TMEM132E: variants seen among roughly 807,000 people sequenced by gnomAD.
TMEM132E encodes the protein transmembrane protein 132E.
A neutral mutation model predicts 78.5 loss-of-function variants in TMEM132E; 49 were observed. The observed-to-expected ratio is 0.62, with a 90% CI of 0.50 to 0.79. The LOEUF (loss-of-function observed/expected upper bound fraction) is 0.79. Ranked by LOEUF, TMEM132E falls within the 30% of genes least tolerant of loss-of-function variation. The probability of loss-of-function intolerance (pLI) is 0.00; values close to 1 mark genes in which losing one functional copy is unlikely to be tolerated. For missense variants in TMEM132E, 1,403 were observed against 1,470.9 expected, an observed-to-expected ratio of 0.95 and a Z score of 0.75; for synonymous variants, 715 against 670.6, an observed-to-expected ratio of 1.07 and a Z score of -1.02.
At chr17:34,610,288 T>C (rs1270958701) in intron 1 of TMEM132E, among the ~76,000 whole-genome samples, 1 of 152,240 alleles carries the variant, frequency 6.6e-6, no homozygotes, top group Non-Finnish European at 1.5e-5. Flanking sequence ...CAGCAGGGTC[T>C]GGTGCAGAGA....
intron 1 of TMEM132E, among the ~76,000 whole-genome samples, chr17:34,624,405 G>T (rs1336602719): frequency 6.6e-6 from 1 of 152,162 alleles, no homozygotes. Flanking sequence ...AGGCCAGGTA[G>T]GTAACTAACT....
intron 1 of TMEM132E, among the ~76,000 whole-genome samples, chr17:34,586,362 A>G (rs2142048818): frequency 6.6e-6 from 1 of 152,162 alleles, no homozygotes; most frequent in South Asian, 2.1e-4. Context: ...ATGAAAAGAA[A>G]AGTAGGCCTT....
rs748304527 is a variant in TMEM132E, at chr17:34,637,512, C to T, written c.2505C>T (p.Gly835=). Residue 835 remains glycine (G), a synonymous_variant, in exon 9 of 9, where the codon GGC becomes GGT. Transcript: ENST00000631683. ...CCAGCCAACCAGGGCCCGGCGGGGGCGAGGACGAGGCCCGGGGAGCTGGCC... is the reference window on the plus strand; with the variant it reads ...CCAGCCAACCAGGGCCCGGCGGGGGTGAGGACGAGGCCCGGGGAGCTGGCC... ...PGPSQPGPGG[G]EDEARGAGPP... 3.5e-5 allele frequency: 56 copies of T among 1,604,162 alleles called. No individual in the cohort carries two copies. The highest frequency in any genetic ancestry group is 4.7e-5 in the Non-Finnish European group (55 of 1,176,320).
At chr17:34,626,056 T>C in intron 1 of TMEM132E, 71 bp from the exon 2 acceptor site, 1 of 1,374,014 alleles carries the variant, frequency 7.3e-7, no homozygotes, top group Non-Finnish European at 9.6e-7. Flanking sequence ...GAGACGAGCC[T>C]GGGGGCACCC....
chr17:34,583,133 G>T (rs1282134174), intron 1 of TMEM132E, among the ~76,000 whole-genome samples: 1 of 152,216 alleles, frequency 6.6e-6, no homozygotes, highest in Non-Finnish European at 1.5e-5. Flanking sequence ...GATTGGTGGA[G>T]GCAGAGCCAT....
In TMEM132E at chr17:34,636,183, G is replaced by T; in HGVS notation, c.2154G>T (p.Leu718Phe). Residue 718 changes from leucine (L) to phenylalanine (F), a missense_variant, in exon 8 of 9, where the codon TTG becomes TTT. By Grantham distance (22) the Leu-to-Phe change is conservative. Around this residue, in one of 3 missense-constraint regions of TMEM132E, gnomAD observed 888 missense variants for 952.8 expected, o/e 0.93. Transcript: ENST00000631683. Reference protein sequence around the residue: ...ILATTAAQQTLSFLKQEALLS... With the variant: ...ILATTAAQQTFSFLKQEALLS... Reference sequence around the variant, plus strand: ...CCACCACAGCTGCCCAACAGACCTTGAGCTTCCTCAAGCAGGTAACTGGCT... The same window carrying T: ...CCACCACAGCTGCCCAACAGACCTTTAGCTTCCTCAAGCAGGTAACTGGCT... 4 of 1,513,732 alleles carry T rather than the reference G, an allele frequency of 2.6e-6. No homozygotes were observed. The highest frequency in any genetic ancestry group is 3.5e-6 in the Non-Finnish European group (4 of 1,131,500). 93.8% of individuals were successfully genotyped at this position (1,513,732 alleles called of 1,614,324 possible). A position where few individuals can be genotyped will look rare whatever the true frequency, so the allele number is the denominator to read the frequency against.
At chr17:34,614,155 C>T (rs961592928) in intron 1 of TMEM132E, among the ~76,000 whole-genome samples, 1 of 152,146 alleles carries the variant, frequency 6.6e-6, no homozygotes, top group South Asian at 2.1e-4. Flanking sequence ...GATTGGGCAC[C>T]AGGCAGCCGG....
intron 2 of TMEM132E, among the ~76,000 whole-genome samples, chr17:34,627,481 T>TGCGCGCACGTGCGCGCGCGCGCGCGCGC (rs1567720046): frequency 6.9e-6 from 1 of 145,466 alleles, no homozygotes; most frequent in African/African-American, 2.8e-5. Context: ...TGTGTGTGTG[T>TGCGCGCACGTGCGCGCGCGCGCGCGCGC]GTGTGTGTGT....
At chr17:34,608,781 T>C (rs1180708980) in intron 1 of TMEM132E, among the ~76,000 whole-genome samples, 2 of 152,144 alleles carry the variant, frequency 1.3e-5, no homozygotes, top group Non-Finnish European at 2.9e-5. Flanking sequence ...GGCCTTAGCA[T>C]TGAAGAAGAT....
At chr17:34,588,248 C>A (rs1158319434) in intron 1 of TMEM132E, among the ~76,000 whole-genome samples, 2 of 152,196 alleles carry the variant, frequency 1.3e-5, no homozygotes, top group Non-Finnish European at 2.9e-5. Context: ...TTCCTGGAAG[C>A]CCATCCCTAT....
intron 5 of TMEM132E, among the ~76,000 whole-genome samples, chr17:34,630,834 A>ACAGCC (rs1907327253): frequency 6.6e-6 from 1 of 152,010 alleles, no homozygotes; most frequent in Admixed American, 6.5e-5. Flanking sequence ...CAGGTCCCCC[A>ACAGCC]CAGCCCAGCC....
chr17:34,623,729 G>C (rs58996438), intron 1 of TMEM132E, among the ~76,000 whole-genome samples: 98 of 152,342 alleles, frequency 6.4e-4, no homozygotes, highest in African/African-American at 2.2e-3. Flanking sequence ...GGCAGGGAGA[G>C]GGCTTGCACT....
At chr17:34,600,371 T>C (rs1906195349) in intron 1 of TMEM132E, among the ~76,000 whole-genome samples, 1 of 152,040 alleles carries the variant, frequency 6.6e-6, no homozygotes, top group African/African-American at 2.4e-5. Flanking sequence ...CTCTAATAGC[T>C]AATTTCTAAA....
chr17:34,617,984 A>T (rs983358834), intron 1 of TMEM132E, among the ~76,000 whole-genome samples: 1 of 152,326 alleles, frequency 6.6e-6, no homozygotes, highest in African/African-American at 2.4e-5. Flanking sequence ...CAGTGTTTAC[A>T]TCTTTGTACA....
intron 1 of TMEM132E, among the ~76,000 whole-genome samples, chr17:34,600,169 T>C (rs1003641837): frequency 6.6e-6 from 1 of 152,254 alleles, no homozygotes; most frequent in Non-Finnish European, 1.5e-5. Context: ...TCCAAGATAA[T>C]ACTCTTAGAA....
At chr17:34,592,305 G>A (rs557519811) in intron 1 of TMEM132E, among the ~76,000 whole-genome samples, 6 of 152,224 alleles carry the variant, frequency 3.9e-5, no homozygotes, top group African/African-American at 7.2e-5. Context: ...GCATTCCTGC[G>A]TCCAGCAGCC....
At position 34,638,155 on chromosome 17, in the gene TMEM132E, G is replaced by C. The variant is rs753442788; in HGVS notation, c.3148G>C (p.Asp1050His). The C allele has an allele frequency of 1.2e-6, 2 of 1,607,206 alleles. No individual in the cohort carries two copies. Among genetic ancestry groups the C allele is most frequent in the Non-Finnish European group, 1.7e-6 (2 of 1,177,770 alleles). ...EEEDLGWGCPDVAGPTRPTAP... is the reference protein window; with the variant it reads ...EEEDLGWGCPHVAGPTRPTAP... ...AGAGGACCTGGGTTGGGGCTGCCCG[G>C]ATGTGGCGGGCCCCACGCGGCCCAC... The change falls in exon 9 of 9, where the codon GAT (aspartate) becomes CAT (histidine). Residue 1050 changes from aspartate to histidine, a missense_variant. Asp to His is a moderately conservative substitution (Grantham distance 81). Coordinates refer to ENST00000631683, the MANE Select transcript of TMEM132E (RefSeq NM_001304438.2).
rs760762645 is a variant in TMEM132E at position 34,628,670 on chromosome 17, T to C, written c.1106T>C (p.Val369Ala). 7 of 1,612,808 alleles carry C rather than the reference T, an allele frequency of 4.3e-6. No individual in the cohort carries two copies. Among genetic ancestry groups the C allele is most frequent in the Non-Finnish European group, 5.1e-6 (6 of 1,179,450 alleles). The change falls in exon 3 of 9, where the codon GTG becomes GCG. Residue 369 changes from valine to alanine, a missense_variant. By Grantham distance (64) the Val-to-Ala change is moderately conservative. This residue lies in a region of TMEM132E where 888 missense variants were observed against 952.8 expected (regional missense o/e 0.93). Transcript: ENST00000631683. ...GGGGCAAAGCACTCAACAGCCACCG[T>C]GGATGTGGCCTGGGCTCAGAGCACA... ...LTGAKHSTAT[V>A]DVAWAQSTPL... is the part of the protein sequence containing the mutation.
At chr17:34,630,797 C>G (rs1298581465) in intron 5 of TMEM132E, among the ~76,000 whole-genome samples, 1 of 152,160 alleles carries the variant, frequency 6.6e-6, no homozygotes, top group East Asian at 1.9e-4. Context: ...CACCCCTGAG[C>G]TCCTTCCCAG....
Sources: allele counts gnomAD v4.1 joint callset (sites outside exome capture counted in the v4.1 genomes callset), GRCh38; gene constraint gnomAD v4.1.1; regional missense constraint gnomAD v4.1.1; transcripts MANE v1.5; gene names NCBI Gene and HGNC (gene_info 2026-07-23, HGNC 2026-07-21).